The following POC1B variants were observed in gnomAD, a reference collection of about 807,000 sequenced individuals.
POC1B encodes the protein POC1 centriolar protein homolog B.
Under a neutral mutation model 60.6 loss-of-function variants are expected in POC1B, and 44 were observed. That is an observed-to-expected ratio of 0.73 (90% confidence interval 0.57 to 0.93). POC1B has a LOEUF of 0.93. Among genes scored for constraint, POC1B ranks in the 40% least tolerant of loss-of-function variants. The probability of loss-of-function intolerance (pLI) is 0.00; values close to 1 mark genes in which losing one functional copy is unlikely to be tolerated. For synonymous variants in POC1B, 180 were observed against 198.9 expected (o/e 0.90, Z 0.80); for missense variants, 555 against 572.3 (o/e 0.97, Z 0.31).
Position 89,467,684 on chromosome 12 carries a change from C to G in POC1B, c.812G>C (p.Gly271Ala). ...TGAAAATGAAACAGTAAAGACAGGT[C>G]CCTGAGAAATAAAGGGAAATAAAGA... Reference protein sequence around the residue: ...RLIYTLQGHTGPVFTVSFSKG... With the variant: ...RLIYTLQGHTAPVFTVSFSKG... Residue 271 changes from glycine to alanine, a missense_variant and splice_region_variant, in exon 8 of 12, where the codon GGA (glycine) becomes GCA (alanine). Coordinates refer to ENST00000313546, the MANE Select transcript of POC1B (RefSeq NM_172240.3). 6.2e-7 allele frequency: 1 copy of G among 1,608,664 alleles called. No individual in the cohort carries two copies. The highest frequency in any genetic ancestry group is 8.5e-7 in the Non-Finnish European group (1 of 1,176,326).
At chr12:89,454,340 C>G (rs1214352994) in intron 10 of POC1B, among the ~76,000 whole-genome samples, 1 of 152,200 alleles carries the variant, frequency 6.6e-6, no homozygotes, top group African/African-American at 2.4e-5. Context: ...TTATCACCAC[C>G]TCCTCTGCTA....
At position 89,502,810 on chromosome 12, in the gene POC1B, G is replaced by A. The variant is rs889797237; in HGVS notation, c.101-5468C>T. The A allele has an allele frequency of 2.7e-4, 355 of 1,325,510 alleles. 1 individual carries two copies. The highest frequency in any genetic ancestry group is 5.9e-5 in the African/African-American group (4 of 68,224). The allele number at this position is 1,325,510 out of a possible 1,614,324, so 82.1% of individuals were successfully genotyped here. A position where few individuals can be genotyped will look rare whatever the true frequency, so the allele number is the denominator to read the frequency against. ...TTTATGTTAACTTTGGTGACCTTTC[G>A]TGTACTTTACACGAAATACCTTATA... is the stretch of plus-strand genomic sequence containing the variant. On this transcript the variant is annotated intron_variant, in intron 2 of 11. Coordinates refer to ENST00000313546, the MANE Select transcript of POC1B (RefSeq NM_172240.3).
At chr12:89,522,588 T>C in intron 2 of POC1B, 1 of 431,710 alleles carries the variant, frequency 2.3e-6, no homozygotes, top group Non-Finnish European at 3.9e-6. Flanking sequence ...ACAAAACTCT[T>C]ATATAAAACA....
At chr12:89,512,093 T>C (rs928178255) in intron 2 of POC1B, among the ~76,000 whole-genome samples, 1 of 152,152 alleles carries the variant, frequency 6.6e-6, no homozygotes, top group Non-Finnish European at 1.5e-5. Flanking sequence ...GAGAGGGTTG[T>C]ACAATAAAAA....
intron 10 of POC1B, among the ~76,000 whole-genome samples, chr12:89,455,258 C>T (rs1402165630): frequency 2.0e-5 from 3 of 152,098 alleles, no homozygotes; most frequent in Non-Finnish European, 4.4e-5. Flanking sequence ...TCACTTGAAC[C>T]CAGGAACTGG....
intron 6 of POC1B, among the ~76,000 whole-genome samples, chr12:89,470,700 T>G (rs1014705364): frequency 4.6e-5 from 7 of 152,218 alleles, no homozygotes; most frequent in Admixed American, 4.6e-4. Context: ...AAAATGAGAC[T>G]GTGTCACGGA....
intron 4 of POC1B, among the ~76,000 whole-genome samples, chr12:89,486,922 C>T (rs1868667534): frequency 1.3e-5 from 2 of 152,094 alleles, no homozygotes; most frequent in Non-Finnish European, 2.9e-5. Flanking sequence ...CACAGACACA[C>T]ACACACACAC....
At chr12:89,502,478 T>C (rs1043483634) in intron 2 of POC1B, 9 of 1,145,156 alleles carry the variant, frequency 7.9e-6, no homozygotes, top group East Asian at 4.9e-5. Flanking sequence ...ATTGGAAAAG[T>C]TGACAAAAAA....
At chr12:89,524,299 T>C (rs1268019421) in intron 2 of POC1B, 1 of 1,614,034 alleles carries the variant, frequency 6.2e-7, no homozygotes, top group Non-Finnish European at 8.5e-7. Flanking sequence ...CTCGTTGAGC[T>C]GGAGTTTGCT....
At chr12:89,487,888 T>TATC (rs1274552200) in intron 4 of POC1B, among the ~76,000 whole-genome samples, 1 of 152,116 alleles carries the variant, frequency 6.6e-6, no homozygotes, top group East Asian at 1.9e-4. Flanking sequence ...ATTACTCCCT[T>TATC]ATCATCTTTT....
intron 2 of POC1B, chr12:89,522,611 G>A: frequency 2.1e-6 from 1 of 484,384 alleles, no homozygotes; most frequent in East Asian, 3.4e-5. Flanking sequence ...CAATAAGTAA[G>A]GCATTGTGAA....
intron 10 of POC1B, among the ~76,000 whole-genome samples, chr12:89,453,406 A>G (rs1252158834): frequency 6.6e-6 from 1 of 152,210 alleles, no homozygotes; most frequent in Non-Finnish European, 1.5e-5. Context: ...CCTGGATCCT[A>G]TAAATGCCTA....
intron 4 of POC1B, among the ~76,000 whole-genome samples, chr12:89,489,976 C>A (rs368889247): frequency 1.3e-5 from 2 of 152,188 alleles, no homozygotes; most frequent in Admixed American, 1.3e-4. Flanking sequence ...CTAACTGGAG[C>A]TGGGAGTAAA....
chr12:89,421,750 A>G (rs570155696), intron 11 of POC1B, among the ~76,000 whole-genome samples: 7 of 152,262 alleles, frequency 4.6e-5, no homozygotes, highest in East Asian at 3.9e-4. Context: ...AAAATATCCT[A>G]ACAATCGCCT....
At chr12:89,480,625 G>A (rs571533398) in intron 4 of POC1B, among the ~76,000 whole-genome samples, 1 of 133,834 alleles carries the variant, frequency 7.5e-6, no homozygotes, top group South Asian at 2.4e-4. Context: ...TTTTTGAGAC[G>A]GAGTCTCACT....
rs747769724 is a variant in POC1B, at chr12:89,525,938, C to G, written c.-43G>C. The G allele has an allele frequency of 2.6e-6, 4 of 1,529,926 alleles. No individual in the cohort carries two copies. Among genetic ancestry groups the G allele is most frequent in the Admixed American group, 2.0e-5 (1 of 49,198 alleles). 94.8% of individuals were successfully genotyped at this position (1,529,926 alleles called of 1,614,324 possible). A position where few individuals can be genotyped will look rare whatever the true frequency, so the allele number is the denominator to read the frequency against. On this transcript the variant is annotated 5_prime_UTR_variant, in exon 1 of 12. Transcript: ENST00000313546. ...CAAGGCTCCTGTGGGTGGGGGAACC[C>G]GGAGAGGGGAGGGGAGAGGATGGGG...
chr12:89,475,068 GT>G (rs2135721797), intron 4 of POC1B, among the ~76,000 whole-genome samples: 1 of 152,246 alleles, frequency 6.6e-6, no homozygotes, highest in African/African-American at 2.4e-5. Context: ...TGAGGCTTTT[GT>G]TCTAGGGAGA....
chr12:89,413,408 G>A, the POC1B span, among the ~76,000 whole-genome samples: 1 of 152,010 alleles, frequency 6.6e-6, no homozygotes, highest in Non-Finnish European at 1.5e-5. Flanking sequence ...TGCTGCCCAG[G>A]CTGGCCTCCA....
At chr12:89,450,356 C>T (rs925882663) in intron 10 of POC1B, among the ~76,000 whole-genome samples, 2 of 152,072 alleles carry the variant, frequency 1.3e-5, no homozygotes, top group Non-Finnish European at 2.9e-5. Flanking sequence ...TACAGGCAGC[C>T]ACCACCATGC....
Sources: allele counts gnomAD v4.1 joint callset (sites outside exome capture counted in the v4.1 genomes callset), GRCh38; gene constraint gnomAD v4.1.1; transcripts MANE v1.5; gene names NCBI Gene and HGNC (gene_info 2026-07-23, HGNC 2026-07-21).